Variants in AMBRA1 observed in about 807,000 individuals in gnomAD.
The protein encoded by AMBRA1 is autophagy and beclin 1 regulator 1, also known as activating molecule in BECN1-regulated autophagy protein 1.
In AMBRA1, 47 loss-of-function variants were observed where a neutral mutation model predicts 125.4. That is an observed-to-expected ratio of 0.37 (90% CI 0.30 to 0.48). The LOEUF (loss-of-function observed/expected upper bound fraction) is 0.48. AMBRA1 is among the 20% of genes least tolerant of loss of function. The pLI is 0.99. For synonymous variants in AMBRA1, 626 were observed against 655.5 expected, an observed-to-expected ratio of 0.95 and a Z score of 0.69; for missense variants, 1,331 against 1,693.4, an observed-to-expected ratio of 0.79 and a Z score of 3.76.
intron 7 of AMBRA1, among the ~76,000 whole-genome samples, chr11:46,523,660 T>C (rs991109405): frequency 2.0e-5 from 3 of 152,186 alleles, no homozygotes; most frequent in Admixed American, 6.5e-5. Flanking sequence ...TCGATACCTG[T>C]GTAAAAAGTC....
intron 9 of AMBRA1, among the ~76,000 whole-genome samples, chr11:46,500,299 A>G (rs541594873): frequency 6.6e-6 from 1 of 152,254 alleles, no homozygotes; most frequent in Admixed American, 6.5e-5. Context: ...TTTTTAGACA[A>G]GAAAAGTAAG....
chr11:46,575,895 C>CTCT (rs1448738916), intron 1 of AMBRA1, among the ~76,000 whole-genome samples: 2 of 152,162 alleles, frequency 1.3e-5, no homozygotes, highest in Admixed American at 1.3e-4. Context: ...TTTAAACTGG[C>CTCT]TCTTGCCTAA....
intron 15 of AMBRA1, among the ~76,000 whole-genome samples, chr11:46,416,449 G>A (rs1321071604): frequency 6.6e-6 from 1 of 152,224 alleles, no homozygotes; most frequent in Non-Finnish European, 1.5e-5. Flanking sequence ...GCTAGGCTTA[G>A]ACAGTAGTCT....
intron 1 of AMBRA1, among the ~76,000 whole-genome samples, chr11:46,589,321 C>G (rs1319362082): frequency 6.6e-6 from 1 of 152,076 alleles, no homozygotes; most frequent in Non-Finnish European, 1.5e-5. Context: ...ATAAATGACC[C>G]CAAACCACAG....
chr11:46,515,698 C>T (rs994958108), intron 7 of AMBRA1, among the ~76,000 whole-genome samples: 2 of 151,854 alleles, frequency 1.3e-5, no homozygotes, highest in Non-Finnish European at 2.9e-5. Context: ...TTTTTTGAGA[C>T]GCAGTCTCAC....
chr11:46,410,332 C>G lies in AMBRA1; in HGVS notation c.3153G>C (p.Gln1051His), dbSNP rs1368360565. The G allele has an allele frequency of 1.2e-6, 2 of 1,613,958 alleles. No individual in the cohort carries two copies. The highest frequency in any genetic ancestry group is 2.2e-5 in the South Asian group (2 of 91,080). The change falls in exon 16 of 18, where the codon CAG becomes CAC. Residue 1051 changes from glutamine to histidine, a missense_variant. Transcript: ENST00000683756. ...LNSGVEYYWD[Q>H]LNETVFTVHS... ...GGACAGTGAAGACCGTCTCGTTCAG[C>G]TGGTCCCAGTAGTACTCAACACCAG... is the stretch of plus-strand genomic sequence containing the variant.
At chr11:46,583,749 G>T (rs1184544030) in intron 1 of AMBRA1, among the ~76,000 whole-genome samples, 4 of 150,006 alleles carry the variant, frequency 2.7e-5, no homozygotes, top group Admixed American at 6.7e-5. Context: ...AGACATTTAT[G>T]CAGCCAAAAA....
intron 11 of AMBRA1, among the ~76,000 whole-genome samples, chr11:46,476,694 A>G (rs1949825609): frequency 6.6e-6 from 1 of 152,222 alleles, no homozygotes; most frequent in South Asian, 2.1e-4. Flanking sequence ...ACTTTTCCCC[A>G]GTTGCTTCAC....
intron 1 of AMBRA1, among the ~76,000 whole-genome samples, chr11:46,582,298 C>T: frequency 6.6e-6 from 1 of 152,060 alleles, no homozygotes; most frequent in East Asian, 1.9e-4. Context: ...ATTCCCTTCC[C>T]TTTCTATCCT....
chr11:46,560,080 ATC>A (rs1470482470), intron 1 of AMBRA1, among the ~76,000 whole-genome samples: 3 of 152,200 alleles, frequency 2.0e-5, no homozygotes, highest in Non-Finnish European at 4.4e-5. Flanking sequence ...AGATTACATT[ATC>A]TCTAATTAAC....
At chr11:46,422,716 G>A (rs572430048) in intron 14 of AMBRA1, among the ~76,000 whole-genome samples, 6 of 152,096 alleles carry the variant, frequency 3.9e-5, no homozygotes, top group African/African-American at 1.2e-4. Context: ...CAGACGAGTA[G>A]TTCAAGCAGC....
At chr11:46,439,261 G>A (rs1350991334) in intron 12 of AMBRA1, among the ~76,000 whole-genome samples, 2 of 152,172 alleles carry the variant, frequency 1.3e-5, no homozygotes, top group African/African-American at 2.4e-5. Context: ...GCAACAGAGC[G>A]AGACCCTGTG....
intron 7 of AMBRA1, among the ~76,000 whole-genome samples, chr11:46,514,105 C>T (rs1437309198): frequency 6.6e-6 from 1 of 152,164 alleles, no homozygotes; most frequent in Non-Finnish European, 1.5e-5. Flanking sequence ...TTCCTAGGAA[C>T]AGGTCCCTGG....
intron 12 of AMBRA1, among the ~76,000 whole-genome samples, chr11:46,438,682 C>T (rs565807008): frequency 2.0e-5 from 3 of 152,300 alleles, no homozygotes; most frequent in South Asian, 4.1e-4. Context: ...TGTGGTATCG[C>T]CTGCCCCACA....
chr11:46,514,690 G>T (rs1951402359), intron 7 of AMBRA1, among the ~76,000 whole-genome samples: 1 of 151,868 alleles, frequency 6.6e-6, no homozygotes. Flanking sequence ...GCCCAGGCTG[G>T]TCTCAAACTC....
At chr11:46,511,031 G>A (rs1285242878) in intron 8 of AMBRA1, among the ~76,000 whole-genome samples, 2 of 152,078 alleles carry the variant, frequency 1.3e-5, no homozygotes, top group African/African-American at 2.4e-5. Flanking sequence ...CCAACACCAC[G>A]AAGTATGACA....
intron 11 of AMBRA1, among the ~76,000 whole-genome samples, chr11:46,487,586 A>G (rs1010671331): frequency 1.3e-5 from 2 of 152,126 alleles, no homozygotes; most frequent in African/African-American, 4.8e-5. Flanking sequence ...ATGGAGCCAC[A>G]GGGGAACAAC....
chr11:46,475,840 T>C (rs899537743), intron 11 of AMBRA1, among the ~76,000 whole-genome samples: 1 of 152,198 alleles, frequency 6.6e-6, no homozygotes, highest in Non-Finnish European at 1.5e-5. Flanking sequence ...AACTGTGGCA[T>C]TCACAAGAAA....
intron 11 of AMBRA1, among the ~76,000 whole-genome samples, chr11:46,469,125 A>T (rs904766021): frequency 3.7e-4 from 56 of 152,214 alleles, no homozygotes; most frequent in African/African-American, 1.3e-3. Flanking sequence ...CCTGCGTGAC[A>T]ACAGGGAAAC....
Sources: allele counts gnomAD v4.1 joint callset (sites outside exome capture counted in the v4.1 genomes callset), GRCh38; gene constraint gnomAD v4.1.1; transcripts MANE v1.5; gene names NCBI Gene and HGNC (gene_info 2026-07-23, HGNC 2026-07-21).